STPG2: variants seen among roughly 807,000 people sequenced by gnomAD.
STPG2 encodes the protein sperm-tail PG-rich repeat-containing protein 2.
STPG2 carries 56 observed loss-of-function variants against 54.2 expected under a neutral mutation model. The ratio of observed to expected loss-of-function variants is 1.03; its 90% CI spans 0.83 to 1.29. The LOEUF (loss-of-function observed/expected upper bound fraction) is 1.29, where lower values mean the gene tolerates loss of function less well. STPG2 is among the 50% of genes most tolerant of loss of function. The probability of loss-of-function intolerance (pLI) is 0.00; values close to 1 mark genes in which losing one functional copy is unlikely to be tolerated. For missense variants in STPG2, 596 were observed against 544.9 expected (o/e 1.09, Z -0.93); for synonymous variants, 200 against 181.8 (o/e 1.10, Z -0.81).
chr4:97,541,161 G>A (rs965170100), intron 4 of STPG2, among the ~76,000 whole-genome samples: 6 of 152,096 alleles, frequency 3.9e-5, no homozygotes, highest in Non-Finnish European at 7.4e-5. Flanking sequence ...ATTCAATTAG[G>A]AAAAGAGGAA....
intron 10 of STPG2, among the ~76,000 whole-genome samples, chr4:97,705,895 T>G (rs1026385128): frequency 6.6e-6 from 1 of 151,810 alleles, no homozygotes; most frequent in East Asian, 1.9e-4. Flanking sequence ...ACAGTAACAA[T>G]AACATATATA....
At chr4:97,477,938 A>T (rs1199041981) in intron 4 of STPG2, among the ~76,000 whole-genome samples, 2 of 152,350 alleles carry the variant, frequency 1.3e-5, no homozygotes, top group Non-Finnish European at 2.9e-5. Flanking sequence ...AAAAACTAGC[A>T]TGTTAACTAA....
intron 9 of STPG2, among the ~76,000 whole-genome samples, chr4:97,718,227 CA>C (rs1724350689): frequency 6.6e-6 from 1 of 151,908 alleles, no homozygotes. Context: ...AATAAAATAC[CA>C]ACTTTATTTT....
chr4:97,872,912 C>A (rs181412906), intron 8 of STPG2, among the ~76,000 whole-genome samples: 348 of 151,264 alleles, frequency 2.3e-3, no homozygotes, highest in Admixed American at 6.0e-3. Flanking sequence ...TTTAACATAG[C>A]CAGATATTCC....
intron 10 of STPG2, among the ~76,000 whole-genome samples, chr4:97,710,948 A>G (rs1198664558): frequency 2.6e-5 from 4 of 151,906 alleles, no homozygotes; most frequent in Non-Finnish European, 4.4e-5. Context: ...CAACAATATA[A>G]AACCCATAAA....
In STPG2 at chr4:97,806,584, T is replaced by C. The variant is rs538938011; in HGVS notation, c.1204+34189A>G. On this transcript the variant is annotated intron_variant, in intron 9 of 10. Transcript: ENST00000295268. Reference sequence around the variant, plus strand: ...TCAGTCTCCACAGACATCACAATCATGCCATCCTCTGCTGGGAAATTATGC... The same window carrying C: ...TCAGTCTCCACAGACATCACAATCACGCCATCCTCTGCTGGGAAATTATGC... Among the ~76,000 whole-genome samples the C allele has an allele frequency of 5.9e-5, 9 of 152,160 alleles. No homozygotes were observed. The South Asian group carries it at 1.9e-3, about 32-fold the overall frequency.
chr4:97,741,977 A>G (rs1560510593), intron 9 of STPG2, among the ~76,000 whole-genome samples: 2 of 152,166 alleles, frequency 1.3e-5, no homozygotes, highest in Non-Finnish European at 2.9e-5. Flanking sequence ...ATGTCCAACA[A>G]TGATAGACTG....
At chr4:97,566,386 T>C (rs897968915) in intron 10 of STPG2, among the ~76,000 whole-genome samples, 1 of 152,170 alleles carries the variant, frequency 6.6e-6, no homozygotes, top group Non-Finnish European at 1.5e-5. Context: ...CCCTTGCGCT[T>C]CCCGAGTGAG....
chr4:97,492,598 C>T (rs951439200), intron 4 of STPG2, among the ~76,000 whole-genome samples: 4 of 150,826 alleles, frequency 2.7e-5, no homozygotes, highest in African/African-American at 7.3e-5. Context: ...TAGGGATTGC[C>T]TAGAATGTGA....
At chr4:97,968,166 G>A (rs912137687) in intron 7 of STPG2, among the ~76,000 whole-genome samples, 1 of 152,084 alleles carries the variant, frequency 6.6e-6, no homozygotes, top group African/African-American at 2.4e-5. Flanking sequence ...AATAAAAAAT[G>A]ATAAAAGGGA....
chr4:97,720,460 G>A (rs938282280), intron 9 of STPG2, among the ~76,000 whole-genome samples: 1 of 151,894 alleles, frequency 6.6e-6, no homozygotes, highest in Non-Finnish European at 1.5e-5. Flanking sequence ...ACTACTTCAT[G>A]CTGCCTTCTT....
chr4:97,735,131 A>C (rs1477115792), intron 9 of STPG2, among the ~76,000 whole-genome samples: 1 of 151,994 alleles, frequency 6.6e-6, no homozygotes, highest in Admixed American at 6.6e-5. Flanking sequence ...AAAATGCAGA[A>C]TATGGAGTGG....
chr4:97,681,001 T>C (rs1482055443), intron 10 of STPG2, among the ~76,000 whole-genome samples: 1 of 151,978 alleles, frequency 6.6e-6, no homozygotes, highest in Non-Finnish European at 1.5e-5. Context: ...TCTATGTTTT[T>C]ATTTATGTTA....
chr4:98,084,255 T>G (rs1738441218), intron 5 of STPG2, among the ~76,000 whole-genome samples: 1 of 152,202 alleles, frequency 6.6e-6, no homozygotes, highest in South Asian at 2.1e-4. Flanking sequence ...AGATTTGCCA[T>G]GTGGTTTTAT....
At chr4:97,926,899 G>T (rs960537331) in intron 8 of STPG2, among the ~76,000 whole-genome samples, 6 of 151,814 alleles carry the variant, frequency 4.0e-5, no homozygotes, top group African/African-American at 1.5e-4. Flanking sequence ...AATATAGTAG[G>T]CTTATAGCCT....
intron 8 of STPG2, among the ~76,000 whole-genome samples, chr4:97,874,857 G>C (rs1344117224): frequency 2.6e-5 from 4 of 151,714 alleles, no homozygotes; most frequent in Non-Finnish European, 5.9e-5. Flanking sequence ...AAAGAGACAT[G>C]AGAAAAGTTA....
intron 4 of STPG2, among the ~76,000 whole-genome samples, chr4:97,522,351 A>G (rs541636686): frequency 6.6e-6 from 1 of 152,010 alleles, no homozygotes; most frequent in African/African-American, 2.4e-5. Context: ...TTTTGTTATA[A>G]TCATTACTAC....
intron 8 of STPG2, among the ~76,000 whole-genome samples, chr4:97,885,092 A>G (rs1730515081): frequency 6.6e-6 from 1 of 152,222 alleles, no homozygotes; most frequent in Non-Finnish European, 1.5e-5. Context: ...AAGGTACTAC[A>G]GAAACGTAAC....
intron 4 of STPG2, among the ~76,000 whole-genome samples, chr4:97,443,031 G>A (rs868507987): frequency 6.6e-5 from 10 of 152,098 alleles, no homozygotes; most frequent in African/African-American, 2.2e-4. Context: ...AGAATAACTT[G>A]TTGCAGTCCA....
Sources: gnomAD v4.1 joint callset for allele counts (sites outside exome capture counted in the v4.1 genomes callset) on GRCh38, gnomAD v4.1.1 for gene constraint, MANE v1.5 for transcripts, NCBI Gene and HGNC (gene_info 2026-07-23, HGNC 2026-07-21) for gene names.